The following MYO18A variants were observed in gnomAD, a reference collection of about 807,000 sequenced individuals.
The protein encoded by MYO18A is unconventional myosin-XVIIIa.
Under a neutral mutation model 235.8 loss-of-function variants are expected in MYO18A, and 78 were observed. That is an observed-to-expected ratio of 0.33 (90% CI 0.28 to 0.40). The LOEUF is 0.40. Among genes scored for constraint, MYO18A ranks in the 10% least tolerant of loss-of-function variants. The pLI is 1.00. For synonymous variants in MYO18A, 977 were observed against 1,077.8 expected (o/e 0.91, Z 1.83); for missense variants, 2,215 against 2,699.3 (o/e 0.82, Z 3.98).
intron 2 of MYO18A, among the ~76,000 whole-genome samples, chr17:29,138,072 A>C (rs1185662650): frequency 6.6e-6 from 1 of 152,118 alleles, no homozygotes; most frequent in Non-Finnish European, 1.5e-5. Context: ...CCACCATGCC[A>C]GCAGAGCCTA....
Position 29,116,613 on chromosome 17 carries a change from G to GCACACA in MYO18A, c.2039-164_2039-159dup, listed in dbSNP as rs144361514. On this transcript the variant is annotated intron_variant, in intron 10 of 41. Transcript: ENST00000527372. ...AACCACAGTCAGACTTGGGACAAAC[G>GCACACA]CACACACACACAGTCTCCAGGGAGT... Among the ~76,000 whole-genome samples the GCACACA allele has an allele frequency of 4.1e-5, 6 of 144,928 alleles. No homozygotes were observed. The East Asian group carries it at 6.3e-4, about 15-fold the overall frequency.
At position 29,122,756 on chromosome 17, in the gene MYO18A, C is replaced by T. The variant is rs531445077; in HGVS notation, c.1000-503G>A. Among the ~76,000 whole-genome samples, 28 of 152,358 alleles carry T rather than the reference C, an allele frequency of 1.8e-4. No individual in the cohort carries two copies. The South Asian group carries it at 5.2e-3, about 28-fold the overall frequency. On this transcript the variant is annotated intron_variant, in intron 2 of 41. Coordinates refer to ENST00000527372, the MANE Select transcript of MYO18A (RefSeq NM_078471.4). ...GAGAGGGCATGTCCTCAGATCTCAG[C>T]GGGGAGTCGCCTGGACTTCGCAGTA...
At chr17:29,179,396 C>T (rs372211872) in intron 1 of MYO18A, among the ~76,000 whole-genome samples, 1 of 151,994 alleles carries the variant, frequency 6.6e-6, no homozygotes, top group African/African-American at 2.4e-5. Flanking sequence ...CCTGTCCCTG[C>T]GGGCCTTATC....
intron 2 of MYO18A, among the ~76,000 whole-genome samples, chr17:29,146,580 T>TG (rs2067854000): frequency 1.3e-5 from 2 of 152,228 alleles, no homozygotes; most frequent in South Asian, 4.1e-4. Flanking sequence ...TATAGGTTCA[T>TG]GGAGGGCATG....
chr17:29,147,880 C>G (rs541438605), intron 2 of MYO18A, among the ~76,000 whole-genome samples: 2 of 140,600 alleles, frequency 1.4e-5, no homozygotes, highest in African/African-American at 5.5e-5. Flanking sequence ...TGCACTCCAG[C>G]CTGGGTGACA....
intron 1 of MYO18A, among the ~76,000 whole-genome samples, chr17:29,167,225 T>G (rs1453745295): frequency 6.6e-6 from 1 of 152,214 alleles, no homozygotes; most frequent in Non-Finnish European, 1.5e-5. Context: ...ATTTTACAAA[T>G]AAGGAAACTT....
In MYO18A at chr17:29,074,236, A is replaced by T; in HGVS notation, c.*534T>A. The stretch of plus-strand genomic sequence containing the variant: ...TCTTGGGAGCCCCAGCTACCACTAC[A>T]GCCCCCTCCCACTCTCAGGGATGCA... On this transcript the variant is annotated 3_prime_UTR_variant, in exon 42 of 42. Transcript: ENST00000527372. The surrounding 1 kb of genome is among the most constrained non-coding windows in gnomAD (Gnocchi z 4.4). 1 of 1,537,372 alleles carries T rather than the reference A, an allele frequency of 6.5e-7. No homozygotes were observed. The highest frequency in any genetic ancestry group is 8.8e-7 in the Non-Finnish European group (1 of 1,133,496).
intron 2 of MYO18A, among the ~76,000 whole-genome samples, chr17:29,135,088 A>G (rs1209330234): frequency 1.3e-5 from 2 of 151,822 alleles, no homozygotes; most frequent in African/African-American, 4.8e-5. Context: ...GGAGTTTAAT[A>G]ACTGGTTCTT....
rs750742796 is a variant in MYO18A at position 29,095,041 on chromosome 17, C to T, written c.4404G>A (p.Ser1468=). Residue 1468 remains serine, a synonymous_variant, in exon 29 of 42, where the codon TCG becomes TCA. Transcript: ENST00000527372. ...KKQRRFDSEL[S]QAHEEAQREK... is the part of the protein sequence containing the mutation. ...CCCGCTGGGCCTCCTCATGCGCCTGCGAGAGCTCACTGTCAAACCTGCGAG... is the reference window on the plus strand; with the variant it reads ...CCCGCTGGGCCTCCTCATGCGCCTGTGAGAGCTCACTGTCAAACCTGCGAG... 33 of 1,553,840 alleles carry T rather than the reference C, an allele frequency of 2.1e-5. No individual in the cohort carries two copies. Among genetic ancestry groups the T allele is most frequent in the Admixed American group, 7.9e-5 (4 of 50,690 alleles).
At chr17:29,124,826 G>A (rs2067283391) in intron 2 of MYO18A, 2 of 605,250 alleles carry the variant, frequency 3.3e-6, no homozygotes, top group Non-Finnish European at 4.8e-6. Context: ...TGAAGGTGGG[G>A]GAGCTTGGTG....
chr17:29,086,357 G>C (rs1001380882), intron 39 of MYO18A, 81 bp downstream of exon 39: 1 of 1,497,486 alleles, frequency 6.7e-7, no homozygotes, highest in African/African-American at 1.4e-5. Flanking sequence ...GGTTGCAACT[G>C]TTCTACCTGG....
chr17:29,174,805 ACT>A (rs1362177804), intron 1 of MYO18A, among the ~76,000 whole-genome samples: 1 of 152,012 alleles, frequency 6.6e-6, no homozygotes, highest in Non-Finnish European at 1.5e-5. Flanking sequence ...AAAGGGCGAG[ACT>A]CTGTCTCAAA....
At chr17:29,173,756 C>T (rs1400927168) in intron 1 of MYO18A, among the ~76,000 whole-genome samples, 1 of 152,102 alleles carries the variant, frequency 6.6e-6, no homozygotes, top group Admixed American at 6.6e-5. Context: ...GAGGTCAAGT[C>T]AGTGGTATCT....
Position 29,074,695 on chromosome 17 carries a change from C to G in MYO18A, c.*75G>C. ...GCAGTCGGGTGGGGGAGACCGGTGC[C>G]CCACCACTTCCTGGGAGAGGTGCCC... On this transcript the variant is annotated 3_prime_UTR_variant, in exon 42 of 42. Transcript: ENST00000527372. The surrounding 1 kb of genome is among the most constrained non-coding windows in gnomAD (Gnocchi z 4.4). The G allele has an allele frequency of 6.5e-7, 1 of 1,537,492 alleles. No homozygotes were observed. Among genetic ancestry groups the G allele is most frequent in the Non-Finnish European group, 9.0e-7 (1 of 1,115,126 alleles).
chr17:29,138,773 T>C (rs2067666050), intron 2 of MYO18A, among the ~76,000 whole-genome samples: 1 of 152,136 alleles, frequency 6.6e-6, no homozygotes. Flanking sequence ...GGACTCACAC[T>C]CAGGTCTCCT....
intron 37 of MYO18A, among the ~76,000 whole-genome samples, chr17:29,089,419 CAAAAAAAAAA>C (rs56389977): frequency 2.5e-4 from 6 of 23,810 alleles, no homozygotes; most frequent in African/African-American, 9.2e-4. Context: ...GACTCTGTCT[CAAAAAAAAAA>C]AAAAAAAAAA....
Position 29,140,388 on chromosome 17 carries a change from A to T in MYO18A, c.1000-18135T>A. ...CCCAGAGCAAGGAGACTCCGCTCTG[A>T]TGCTGCTCTGGCTCCGTTAGCAGCT... On this transcript the variant is annotated intron_variant, in intron 2 of 41. Transcript: ENST00000527372. The surrounding 1 kb of genome is among the most constrained non-coding windows in gnomAD (Gnocchi z 4.2). 7.8e-7 allele frequency: 1 copy of T among 1,284,420 alleles called. No homozygotes were observed. Among genetic ancestry groups the T allele is most frequent in the African/African-American group, 1.5e-5 (1 of 65,676 alleles). The allele number at this position is 1,284,420 out of a possible 1,614,324, so 79.6% of individuals were successfully genotyped here.
chr17:29,101,809 C>T (rs115918136), intron 21 of MYO18A, among the ~76,000 whole-genome samples: 3,022 of 152,268 alleles, frequency 0.02, 94 homozygotes, highest in African/African-American at 0.068. Context: ...GAGGCCAAAG[C>T]AGTGAGCCTC....
At chr17:29,159,162 G>A (rs530079046) in intron 2 of MYO18A, among the ~76,000 whole-genome samples, 1 of 152,306 alleles carries the variant, frequency 6.6e-6, no homozygotes, top group East Asian at 1.9e-4. Flanking sequence ...TCATAAGGAA[G>A]AAGGCAGAAT....
Sources: allele counts gnomAD v4.1 joint callset (sites outside exome capture counted in the v4.1 genomes callset), GRCh38; gene constraint gnomAD v4.1.1; non-coding constraint Gnocchi (gnomAD v3.1); transcripts MANE v1.5; gene names NCBI Gene and HGNC (gene_info 2026-07-23, HGNC 2026-07-21).